Variants in ERBB4 observed in about 807,000 individuals in gnomAD.
ERBB4 encodes the protein erb-b2 receptor tyrosine kinase 4, also known as receptor tyrosine-protein kinase erbB-4.
ERBB4 carries 42 observed loss-of-function variants against 158.0 expected under a neutral mutation model. The observed-to-expected ratio is 0.27, with a 90% CI of 0.21 to 0.34. The LOEUF (loss-of-function observed/expected upper bound fraction) is 0.34. Among genes scored for constraint, ERBB4 ranks in the 10% least tolerant of loss-of-function variants. The pLI is 1.00. For synonymous variants in ERBB4, 583 were observed against 558.7 expected, an observed-to-expected ratio of 1.04 and a Z score of -0.61; for missense variants, 1,333 against 1,624.1, an observed-to-expected ratio of 0.82 and a Z score of 3.08.
At chr2:211,479,180 G>A (rs2065025601) in intron 20 of ERBB4, among the ~76,000 whole-genome samples, 1 of 152,146 alleles carries the variant, frequency 6.6e-6, no homozygotes, top group African/African-American at 2.4e-5. Flanking sequence ...TCTTAAAAAT[G>A]TAACTTTCTA....
chr2:212,038,134 G>C (rs17415586), intron 2 of ERBB4, among the ~76,000 whole-genome samples: 2 of 152,028 alleles, frequency 1.3e-5, no homozygotes, highest in African/African-American at 2.4e-5. Flanking sequence ...GAAAAATGTG[G>C]AGAAGCTACT....
chr2:212,286,767 A>ATTTTTTTTTTTTTT (rs748586400), intron 1 of ERBB4, among the ~76,000 whole-genome samples: 2,328 of 39,540 alleles, frequency 0.059, 722 homozygotes, highest in African/African-American at 0.14. Context: ...ATGAGGGTTA[A>ATTTTTTTTTTTTTT]TTTTTTTTTT....
At chr2:212,054,624 C>A (rs771733712) in intron 2 of ERBB4, among the ~76,000 whole-genome samples, 9 of 152,202 alleles carry the variant, frequency 5.9e-5, no homozygotes, top group Non-Finnish European at 8.8e-5. Flanking sequence ...TCCATTTTCT[C>A]TTCTTCCCTC....
chr2:212,253,657 T>C (rs547599078), intron 1 of ERBB4, among the ~76,000 whole-genome samples: 1 of 152,334 alleles, frequency 6.6e-6, no homozygotes, highest in Non-Finnish European at 1.5e-5. Flanking sequence ...TAAACCACTC[T>C]GTTCTTGGCA....
intron 3 of ERBB4, among the ~76,000 whole-genome samples, chr2:211,823,900 A>G (rs1238523888): frequency 6.6e-6 from 1 of 152,096 alleles, no homozygotes. Flanking sequence ...AGAGAAGTAG[A>G]AATGGGAGAT....
chr2:211,725,181 C>T lies in ERBB4; in HGVS notation c.636G>A (p.Val212=), dbSNP rs560358883. The change falls in exon 6 of 28, where the codon GTG becomes GTA. Residue 212 remains valine, a synonymous_variant. Coordinates refer to ENST00000342788, the MANE Select transcript of ERBB4 (RefSeq NM_005235.3). The part of the protein sequence containing the change: ...ENHCQTLTRT[V]CAEQCDGRCY... ...ATCTGCCGTCACATTGTTCTGCACA[C>T]ACCGTCCTTGTCACTGCAGAAGACA... The T allele has an allele frequency of 7.4e-6, 12 of 1,613,394 alleles. No individual in the cohort carries two copies. The South Asian group carries it at 1.2e-4, about 16-fold the overall frequency.
In ERBB4 at chr2:211,704,938, T is replaced by TTTTTG. The variant is rs572080037; in HGVS notation, c.1198+375_1198+379dup. 3.3e-5 allele frequency among the ~76,000 whole-genome samples: 5 copies of TTTTTG among 152,166 alleles called. No homozygotes were observed. The South Asian group carries it at 6.2e-4, about 19-fold the overall frequency. On this transcript the variant is annotated intron_variant, in intron 10 of 27. Transcript: ENST00000342788. Reference sequence around the variant, plus strand: ...TGCTGATTCCAATCTTATGTAACTTTTTTTGTTTTGTTTTGTTTTGTTTTT... The same window carrying TTTTTG: ...TGCTGATTCCAATCTTATGTAACTTTTTTTGTTTTGTTTTGTTTTGTTTTGTTTTT...
intron 14 of ERBB4, among the ~76,000 whole-genome samples, chr2:211,671,025 G>A (rs2071817644): frequency 6.6e-6 from 1 of 151,974 alleles, no homozygotes; most frequent in Non-Finnish European, 1.5e-5. Context: ...AAAAAAATAT[G>A]GTGTCTTACT....
intron 1 of ERBB4, among the ~76,000 whole-genome samples, chr2:212,135,578 G>A (rs1043989393): frequency 2.0e-5 from 3 of 152,020 alleles, no homozygotes; most frequent in African/African-American, 7.2e-5. Context: ...AGGAAAAACA[G>A]AAAGGCTTTA....
chr2:212,204,454 T>C (rs1268581794), intron 1 of ERBB4, among the ~76,000 whole-genome samples: 1 of 152,088 alleles, frequency 6.6e-6, no homozygotes, highest in African/African-American at 2.4e-5. Flanking sequence ...TCCCAGCACT[T>C]CAGGAGGCCA....
At chr2:211,482,254 A>G (rs980711608) in intron 20 of ERBB4, among the ~76,000 whole-genome samples, 1 of 152,208 alleles carries the variant, frequency 6.6e-6, no homozygotes, top group Non-Finnish European at 1.5e-5. Context: ...AATTTATTAT[A>G]AGAAAAAGTG....
At chr2:211,589,029 T>A (rs1027831275) in intron 19 of ERBB4, among the ~76,000 whole-genome samples, 1 of 152,146 alleles carries the variant, frequency 6.6e-6, no homozygotes, top group Non-Finnish European at 1.5e-5. Flanking sequence ...TAAATATAAC[T>A]GTGTTCAAAT....
chr2:211,652,189 C>T (rs1415952458), intron 16 of ERBB4, among the ~76,000 whole-genome samples: 2 of 152,144 alleles, frequency 1.3e-5, no homozygotes, highest in African/African-American at 4.8e-5. Context: ...TGCTCTTCCC[C>T]TATAATTCTG....
intron 5 of ERBB4, among the ~76,000 whole-genome samples, chr2:211,739,588 C>G (rs1290417600): frequency 6.6e-6 from 1 of 152,070 alleles, no homozygotes; most frequent in Non-Finnish European, 1.5e-5. Context: ...CTCAGTGTCC[C>G]GAGTAGCTGG....
intron 1 of ERBB4, among the ~76,000 whole-genome samples, chr2:212,157,421 C>A (rs1038617053): frequency 6.6e-6 from 1 of 152,030 alleles, no homozygotes; most frequent in Non-Finnish European, 1.5e-5. Context: ...AATTAACCAG[C>A]AGGATTTATG....
chr2:212,099,199 A>G (rs2079015015), intron 2 of ERBB4, among the ~76,000 whole-genome samples: 1 of 151,034 alleles, frequency 6.6e-6, no homozygotes, highest in Non-Finnish European at 1.5e-5. Context: ...AATAATAAAA[A>G]TAAATCATGC....
chr2:211,743,628 G>T (rs1313163306), intron 5 of ERBB4, among the ~76,000 whole-genome samples: 1 of 152,166 alleles, frequency 6.6e-6, no homozygotes, highest in Non-Finnish European at 1.5e-5. Context: ...TTACGACTCA[G>T]TTCTTATGAA....
At chr2:211,701,301 T>C (rs1200523391) in intron 12 of ERBB4, among the ~76,000 whole-genome samples, 2 of 152,206 alleles carry the variant, frequency 1.3e-5, no homozygotes, top group Admixed American at 6.5e-5. Context: ...TATTCTGTTA[T>C]GAAACTCCCT....
At chr2:212,432,190 A>G (rs1265334823) in intron 1 of ERBB4, among the ~76,000 whole-genome samples, 1 of 152,196 alleles carries the variant, frequency 6.6e-6, no homozygotes, top group Non-Finnish European at 1.5e-5. Context: ...TGGAATCAAA[A>G]TTTCAATGGT....
Sources: gnomAD v4.1 joint callset for allele counts (sites outside exome capture counted in the v4.1 genomes callset) on GRCh38, gnomAD v4.1.1 for gene constraint, MANE v1.5 for transcripts, NCBI Gene and HGNC (gene_info 2026-07-23, HGNC 2026-07-21) for gene names.